Variants in DAP observed in about 807,000 individuals in gnomAD.
DAP encodes death associated protein, also known as death-associated protein 1.
Under a neutral mutation model 13.8 loss-of-function variants are expected in DAP, and 8 were observed. The ratio of observed to expected loss-of-function variants is 0.58; its 90% confidence interval spans 0.34 to 1.05. The LOEUF (loss-of-function observed/expected upper bound fraction) is 1.05, where lower values mean the gene tolerates loss of function less well. Ranked by LOEUF, DAP falls within the 50% of genes least tolerant of loss-of-function variation. DAP has a pLI of 0.03. For synonymous variants in DAP, 47 were observed against 47.5 expected (o/e 0.99, Z 0.04); for missense variants, 106 against 133.2 (o/e 0.80, Z 1.01).
At position 10,680,751 on chromosome 5, in the gene DAP, C is replaced by T. The variant is rs1737963961; in HGVS notation, c.*305G>A. On this transcript the variant is annotated 3_prime_UTR_variant, in exon 4 of 4. Coordinates refer to ENST00000230895, the MANE Select transcript of DAP (RefSeq NM_004394.3). ...TTTTTAAGACCATAGACAAGGACGT[C>T]AGGTGACTGCTGAAATAGAACTAAA... is the stretch of plus-strand genomic sequence containing the variant. 1 of 1,536,458 alleles carries T rather than the reference C, an allele frequency of 6.5e-7. No homozygotes were observed. Among genetic ancestry groups the T allele is most frequent in the African/African-American group, 1.4e-5 (1 of 73,168 alleles).
intron 2 of DAP, among the ~76,000 whole-genome samples, chr5:10,743,757 C>G (rs889246051): frequency 6.6e-6 from 1 of 152,072 alleles, no homozygotes; most frequent in Non-Finnish European, 1.5e-5. Context: ...TGGGTCGGCT[C>G]GAGATGGAAT....
chr5:10,701,504 T>C (rs1738574525), intron 2 of DAP, among the ~76,000 whole-genome samples: 1 of 152,068 alleles, frequency 6.6e-6, no homozygotes, highest in African/African-American at 2.4e-5. Context: ...ATACTGTGCA[T>C]TGTAGTTTCC....
chr5:10,755,905 T>C (rs1274540503), intron 1 of DAP, among the ~76,000 whole-genome samples: 3 of 152,180 alleles, frequency 2.0e-5, no homozygotes, highest in Non-Finnish European at 4.4e-5. Flanking sequence ...CCCAACACTT[T>C]GGGAGGCCAA....
chr5:10,691,319 T>C (rs1417765971), intron 2 of DAP, among the ~76,000 whole-genome samples: 1 of 152,270 alleles, frequency 6.6e-6, no homozygotes, highest in Admixed American at 6.5e-5. Context: ...GCCCAAAGGC[T>C]TCAGAGCCCA....
intron 2 of DAP, among the ~76,000 whole-genome samples, chr5:10,728,209 T>C (rs1411278742): frequency 6.6e-6 from 1 of 152,264 alleles, no homozygotes; most frequent in East Asian, 1.9e-4. Context: ...TATTTACTAA[T>C]ATTTGTTTAC....
intron 1 of DAP, 71 bp downstream of exon 1, chr5:10,760,943 C>A (rs1048386582): frequency 1.9e-6 from 2 of 1,038,548 alleles, no homozygotes; most frequent in Non-Finnish European, 2.4e-6. Context: ...CGCGGAGCCC[C>A]CGCCCGGCGC....
rs372261418 is a variant in DAP at position 10,680,520 on chromosome 5, C to CA, written c.*535dup. The CA allele has an allele frequency of 3.4e-6, 2 of 595,670 alleles. No individual in the cohort carries two copies. The highest frequency in any genetic ancestry group is 1.9e-5 in the African/African-American group (1 of 53,906). 36.9% of individuals were successfully genotyped at this position (595,670 alleles called of 1,614,324 possible). On this transcript the variant is annotated 3_prime_UTR_variant, in exon 4 of 4. Transcript: ENST00000230895. The stretch of plus-strand genomic sequence containing the variant: ...CTCATGGGTGCCTCATCAGCCTGCA[C>CA]AGGATCCCCCATCTCACGAGAGAGG...
At chr5:10,700,059 G>A (rs1449100580) in intron 2 of DAP, among the ~76,000 whole-genome samples, 1 of 152,260 alleles carries the variant, frequency 6.6e-6, no homozygotes, top group Non-Finnish European at 1.5e-5. Flanking sequence ...CATGAAGAGG[G>A]TAACCAGAAT....
In DAP at chr5:10,688,295, ACTGAGGCAAGACCC is replaced by A. The variant is rs1738207284; in HGVS notation, c.153-4738_153-4725del. Among the ~76,000 whole-genome samples the A allele has an allele frequency of 2.6e-5, 4 of 152,260 alleles. 1 individual carries two copies. In the South Asian group the frequency reaches 8.3e-4, roughly 32 times the overall value. On this transcript the variant is annotated intron_variant, in intron 2 of 3. Transcript: ENST00000230895. ...CCCCAATCAGTCAGCAGCCATCAAC[ACTGAGGCAAGACCC>A]TCTACCAACAAAAAGACTGAGCCTC...
In DAP at chr5:10,680,817, C is replaced by T. The variant is rs964471226; in HGVS notation, c.*239G>A. ...GGATCTTGGCAAATTCTGCTAATGG[C>T]ACCTCTAGGGGCACAATGATCCTCA... On this transcript the variant is annotated 3_prime_UTR_variant, in exon 4 of 4. Transcript: ENST00000230895. The T allele has an allele frequency of 8.1e-5, 124 of 1,536,754 alleles. No homozygotes were observed. The highest frequency in any genetic ancestry group is 1.0e-4 in the Non-Finnish European group (119 of 1,147,050).
At chr5:10,749,709 T>C (rs1327809418) in intron 1 of DAP, among the ~76,000 whole-genome samples, 1 of 151,906 alleles carries the variant, frequency 6.6e-6, no homozygotes. Context: ...GGCATACAGC[T>C]TGCCAGCTCT....
intron 2 of DAP, among the ~76,000 whole-genome samples, chr5:10,701,232 C>T (rs1188260245): frequency 6.6e-6 from 1 of 152,228 alleles, no homozygotes; most frequent in Non-Finnish European, 1.5e-5. Context: ...AGTCATCTGC[C>T]TCTGTGTTGC....
At chr5:10,704,081 T>G (rs1388330895) in intron 2 of DAP, among the ~76,000 whole-genome samples, 1 of 152,240 alleles carries the variant, frequency 6.6e-6, no homozygotes, top group African/African-American at 2.4e-5. Flanking sequence ...CAGGTGCCTT[T>G]GTACCCCAGA....
intron 2 of DAP, among the ~76,000 whole-genome samples, chr5:10,745,344 T>C (rs1739873340): frequency 6.6e-6 from 1 of 152,186 alleles, no homozygotes; most frequent in African/African-American, 2.4e-5. Context: ...AGAGGACAAG[T>C]GCTAACACAC....
At chr5:10,687,023 C>A (rs1003387090) in intron 2 of DAP, among the ~76,000 whole-genome samples, 1 of 152,130 alleles carries the variant, frequency 6.6e-6, no homozygotes, top group South Asian at 2.1e-4. Context: ...ATCCTAGGGC[C>A]CTTACGAATT....
intron 2 of DAP, among the ~76,000 whole-genome samples, chr5:10,700,958 T>C (rs750178861): frequency 3.3e-5 from 5 of 152,222 alleles, no homozygotes; most frequent in Non-Finnish European, 7.3e-5. Context: ...ATCTGGGCCA[T>C]GGGGCCCCTG....
At position 10,740,043 on chromosome 5, in the gene DAP, G is replaced by A. The variant is rs1739718112; in HGVS notation, c.152+8132C>T. ...CTGGATGTTGGACTCATCAGATGAA[G>A]ATTTAAAATAACTGTGATAAATATC... On this transcript the variant is annotated intron_variant, in intron 2 of 3. Transcript: ENST00000230895. 2.0e-5 allele frequency among the ~76,000 whole-genome samples: 3 copies of A among 152,164 alleles called. No homozygotes were observed. In the South Asian group the frequency reaches 6.2e-4, roughly 31 times the overall value.
In DAP at chr5:10,685,667, T is replaced by G. The variant is rs117237838; in HGVS notation, c.153-2096A>C. On this transcript the variant is annotated intron_variant, in intron 2 of 3. Coordinates refer to ENST00000230895, the MANE Select transcript of DAP (RefSeq NM_004394.3). ...ATCTTCAACAAGGCACAGCCGTCTT[T>G]CCGTAGCAGGAGTGCACAGTGGCTT... 1.9e-4 allele frequency among the ~76,000 whole-genome samples: 29 copies of G among 152,324 alleles called. No individual in the cohort carries two copies. In the East Asian group the frequency reaches 5.2e-3, roughly 27 times the overall value.
intron 2 of DAP, among the ~76,000 whole-genome samples, chr5:10,725,712 C>T (rs981984249): frequency 6.6e-6 from 1 of 152,210 alleles, no homozygotes; most frequent in Non-Finnish European, 1.5e-5. Context: ...AATAATTTCC[C>T]CACAACTCTT....
Sources: allele counts gnomAD v4.1 joint callset (sites outside exome capture counted in the v4.1 genomes callset), GRCh38; gene constraint gnomAD v4.1.1; transcripts MANE v1.5; gene names NCBI Gene and HGNC (gene_info 2026-07-23, HGNC 2026-07-21).